TTLL5: variants seen among roughly 807,000 people sequenced by gnomAD.
The protein encoded by TTLL5 is tubulin tyrosine ligase like 5, also known as tubulin polyglutamylase TTLL5.
Under a neutral mutation model 168.4 loss-of-function variants are expected in TTLL5, and 132 were observed. The observed-to-expected ratio is 0.78, with a 90% confidence interval of 0.68 to 0.91. The LOEUF (loss-of-function observed/expected upper bound fraction) is 0.91. Among genes scored for constraint, TTLL5 ranks in the 40% least tolerant of loss-of-function variants. TTLL5 has a pLI of 0.00. For synonymous variants in TTLL5, 546 were observed against 558.6 expected (o/e 0.98, Z 0.32); for missense variants, 1,545 against 1,581.5 (o/e 0.98, Z 0.39).
chr14:75,745,589 G>A lies in TTLL5; in HGVS notation c.1487+8G>A, dbSNP rs1016683951. The A allele has an allele frequency of 1.2e-6, 2 of 1,611,048 alleles. No homozygotes were observed. The highest frequency in any genetic ancestry group is 1.7e-5 in the Admixed American group (1 of 59,904). On this transcript the variant is annotated splice_region_variant and intron_variant, in intron 17 of 31. Transcript: ENST00000298832. Reference sequence around the variant, plus strand: ...GACATGGGAAATATATGGGTGAGGTGACTACCTTTTTTTTTTATTCTTTAC... The same window carrying A: ...GACATGGGAAATATATGGGTGAGGTAACTACCTTTTTTTTTTATTCTTTAC...
At chr14:75,822,396 G>A (rs781061699) in intron 28 of TTLL5, among the ~76,000 whole-genome samples, 34 of 152,098 alleles carry the variant, frequency 2.2e-4, no homozygotes, top group Non-Finnish European at 4.9e-4. Context: ...TGCCTTTAAA[G>A]CACTTTGATC....
At chr14:75,774,831 G>A (rs2140315828) in intron 21 of TTLL5, among the ~76,000 whole-genome samples, 1 of 152,076 alleles carries the variant, frequency 6.6e-6, no homozygotes, top group East Asian at 1.9e-4. Flanking sequence ...GGAGATTACA[G>A]GTGTGTGCCA....
At chr14:75,782,692 T>TA in intron 25 of TTLL5, 119 bp downstream of exon 25, 1 of 853,388 alleles carries the variant, frequency 1.2e-6, no homozygotes, top group Non-Finnish European at 1.7e-6. Flanking sequence ...AGAAATATTT[T>TA]TCTTTTTCCT....
intron 18 of TTLL5, among the ~76,000 whole-genome samples, chr14:75,763,581 T>C (rs1890794695): frequency 6.6e-6 from 1 of 152,194 alleles, no homozygotes; most frequent in South Asian, 2.1e-4. Flanking sequence ...TCTAGAGAGT[T>C]CAGAGCCAAC....
intron 31 of TTLL5, among the ~76,000 whole-genome samples, chr14:75,947,078 A>C (rs1566672604): frequency 6.6e-6 from 1 of 152,190 alleles, no homozygotes; most frequent in Non-Finnish European, 1.5e-5. Context: ...TTGTCTTCTG[A>C]GTGTAGTGGT....
chr14:75,825,764 A>G (rs1002849891), intron 28 of TTLL5, among the ~76,000 whole-genome samples: 2 of 151,956 alleles, frequency 1.3e-5, no homozygotes, highest in African/African-American at 4.8e-5. Flanking sequence ...AGTTTACCTC[A>G]CCTTTCTCCT....
intron 28 of TTLL5, chr14:75,835,577 AGAACCATTATG>A (rs1426497211): frequency 6.6e-6 from 1 of 152,236 alleles, no homozygotes; most frequent in Non-Finnish European, 1.5e-5. Flanking sequence ...TCTGACAAAG[AGAACCATTATG>A]TTGTATTAAA....
intron 29 of TTLL5, among the ~76,000 whole-genome samples, chr14:75,873,382 C>CT (rs988631084): frequency 9.9e-5 from 15 of 152,192 alleles, no homozygotes; most frequent in Non-Finnish European, 7.3e-5. Context: ...CCCTCCAGAA[C>CT]TTTTTTATAT....
At chr14:75,910,255 A>G (rs2033318641) in intron 31 of TTLL5, among the ~76,000 whole-genome samples, 1 of 152,146 alleles carries the variant, frequency 6.6e-6, no homozygotes, top group African/African-American at 2.4e-5. Flanking sequence ...CTCAAATTAC[A>G]CTTACATTAC....
intron 5 of TTLL5, among the ~76,000 whole-genome samples, chr14:75,685,964 G>A (rs892082076): frequency 1.3e-5 from 2 of 152,112 alleles, no homozygotes; most frequent in Non-Finnish European, 2.9e-5. Flanking sequence ...CCAGGAACAT[G>A]CATTTTTTAG....
chr14:75,939,581 GT>G (rs2034536161), intron 31 of TTLL5, among the ~76,000 whole-genome samples: 1 of 152,104 alleles, frequency 6.6e-6, no homozygotes, highest in Non-Finnish European at 1.5e-5. Flanking sequence ...GTAGAGATGA[GT>G]TTCTCTATGT....
At chr14:75,718,999 T>C (rs541064200) in intron 10 of TTLL5, among the ~76,000 whole-genome samples, 3 of 152,296 alleles carry the variant, frequency 2.0e-5, no homozygotes, top group Non-Finnish European at 2.9e-5. Context: ...CTGTGAAAGA[T>C]GAGCAAAGGC....
intron 31 of TTLL5, among the ~76,000 whole-genome samples, chr14:75,950,476 C>T (rs1362818811): frequency 2.0e-5 from 3 of 152,022 alleles, no homozygotes; most frequent in Non-Finnish European, 4.4e-5. Flanking sequence ...GTTTTTTTCC[C>T]TTTGTTTCTT....
chr14:75,706,883 C>T (rs1886696268), intron 7 of TTLL5, 135 bp from the exon 8 acceptor site: 1 of 631,542 alleles, frequency 1.6e-6, no homozygotes, highest in Admixed American at 2.7e-5. Flanking sequence ...TATATGGGTA[C>T]CTTGGAGGAA....
At chr14:75,885,865 C>G (rs1405609728) in intron 30 of TTLL5, among the ~76,000 whole-genome samples, 1 of 152,148 alleles carries the variant, frequency 6.6e-6, no homozygotes, top group African/African-American at 2.4e-5. Flanking sequence ...AATACAGTGC[C>G]TGGTATGTAA....
At chr14:75,927,272 A>T (rs547101822) in intron 31 of TTLL5, among the ~76,000 whole-genome samples, 1 of 152,328 alleles carries the variant, frequency 6.6e-6, no homozygotes, top group African/African-American at 2.4e-5. Flanking sequence ...ATACTATTTT[A>T]TAACATACAA....
chr14:75,929,749 G>T (rs993991130), intron 31 of TTLL5, among the ~76,000 whole-genome samples: 1 of 152,030 alleles, frequency 6.6e-6, no homozygotes, highest in Non-Finnish European at 1.5e-5. Context: ...CACTACGCCC[G>T]GCCAAAGATA....
intron 11 of TTLL5, 85 bp downstream of exon 11, chr14:75,719,911 C>A: frequency 1.4e-6 from 2 of 1,395,064 alleles, no homozygotes; most frequent in Non-Finnish European, 2.0e-6. Flanking sequence ...TTCTCTGTTG[C>A]TTTGATAGTG....
At position 75,831,471 on chromosome 14, in the gene TTLL5, T is replaced by C. The variant is rs528569383; in HGVS notation, c.3326+11310T>C. Among the ~76,000 whole-genome samples, 60 of 152,266 alleles carry C rather than the reference T, an allele frequency of 3.9e-4. 2 individuals are homozygous for C. The highest frequency in any genetic ancestry group is 2.9e-3 in the Admixed American group (45 of 15,300). ...TCTGAGATGTGTCCATGGCTAGATG[T>C]TGGGGGAGTCTTGCTTCTCTACCCT... On this transcript the variant is annotated intron_variant, in intron 28 of 31. Transcript: ENST00000298832.
Sources: gnomAD v4.1 joint callset for allele counts (sites outside exome capture counted in the v4.1 genomes callset) on GRCh38, gnomAD v4.1.1 for gene constraint, MANE v1.5 for transcripts, NCBI Gene and HGNC (gene_info 2026-07-23, HGNC 2026-07-21) for gene names.